Variants in HDAC2 observed in about 807,000 individuals in gnomAD.
The protein encoded by HDAC2 is YY1-associated factor 1.
Under a neutral mutation model 68.5 loss-of-function variants are expected in HDAC2, and 5 were observed. The ratio of observed to expected loss-of-function variants is 0.07; its 90% CI spans 0.04 to 0.15. The LOEUF is 0.15. HDAC2 is among the 10% of genes least tolerant of loss of function. The pLI is 1.00. For synonymous variants in HDAC2, 182 were observed against 191.3 expected (o/e 0.95, Z 0.40); for missense variants, 291 against 600.8 (o/e 0.48, Z 5.39).
chr6:113,964,833 T>A (rs1249497905), intron 1 of HDAC2, among the ~76,000 whole-genome samples: 1 of 152,210 alleles, frequency 6.6e-6, no homozygotes, highest in Non-Finnish European at 1.5e-5. Context: ...TCTTAGTGAG[T>A]AGTACCACAT....
intron 6 of HDAC2, among the ~76,000 whole-genome samples, chr6:113,950,555 G>A (rs1255737030): frequency 2.0e-5 from 3 of 149,492 alleles, no homozygotes; most frequent in Non-Finnish European, 4.5e-5. Context: ...ACCACACCCA[G>A]CTAATTTTTT....
chr6:113,941,879 T>G (rs1776143889), intron 12 of HDAC2, 114 bp from the exon 13 acceptor site: 1 of 315,358 alleles, frequency 3.2e-6, no homozygotes, highest in East Asian at 5.5e-5. Context: ...AATCTTATTA[T>G]TAATGAATTC....
At chr6:113,948,748 C>T (rs537123688) in intron 8 of HDAC2, 1 of 433,468 alleles carries the variant, frequency 2.3e-6, no homozygotes, top group East Asian at 3.6e-5. Context: ...GCCTTGGGTT[C>T]AAACTACAAT....
intron 2 of HDAC2, 78 bp from the exon 3 acceptor site, chr6:113,958,844 C>T: frequency 3.6e-6 from 3 of 843,138 alleles, no homozygotes; most frequent in East Asian, 5.0e-5. Context: ...ATACAAATTC[C>T]CCTATCGGTC....
At chr6:113,966,139 T>G (rs1276198829) in intron 1 of HDAC2, among the ~76,000 whole-genome samples, 4 of 152,212 alleles carry the variant, frequency 2.6e-5, no homozygotes, top group Non-Finnish European at 4.4e-5. Flanking sequence ...CAAATGTGAA[T>G]CTGTTTTCAT....
Position 113,945,477 on chromosome 6 carries a change from A to G in HDAC2, c.983-7T>C, listed in dbSNP as rs2114592500. The G allele has an allele frequency of 2.4e-6, 3 of 1,260,518 alleles. No homozygotes were observed. The East Asian group carries it at 7.0e-5, about 29-fold the overall frequency. 78.1% of individuals were successfully genotyped at this position (1,260,518 alleles called of 1,614,324 possible). ...TAATCATTATATGGCAACTCTAATG[A>G]AAACAATAAAATAAAGTTACATATT... On this transcript the variant is annotated splice_polypyrimidine_tract_variant and splice_region_variant and intron_variant, in intron 9 of 13. Transcript: ENST00000519065.
intron 5 of HDAC2, among the ~76,000 whole-genome samples, chr6:113,953,999 T>C (rs1026107678): frequency 1.4e-4 from 21 of 152,352 alleles, no homozygotes; most frequent in Non-Finnish European, 1.9e-4. Flanking sequence ...ATGGCTTCAT[T>C]TGAACTGCAG....
intron 1 of HDAC2, 129 bp from the exon 2 acceptor site, chr6:113,960,147 T>G (rs1776646267): frequency 1.5e-6 from 1 of 650,066 alleles, no homozygotes; most frequent in Non-Finnish European, 2.7e-6. Context: ...CTTAGCAACT[T>G]AGATTTATTT....
In HDAC2 at chr6:113,956,083, C is replaced by T; in HGVS notation, c.427G>A (p.Ala143Thr). The part of the protein sequence containing the change: ...AVNWAGGLHH[A>T]KKSEASGFCY... ...AATCCTGATGCTTCTGATTTCTTAGCATGATGTAATCCTCCAGCCCAATTA... is the reference window on the plus strand; with the variant it reads ...AATCCTGATGCTTCTGATTTCTTAGTATGATGTAATCCTCCAGCCCAATTA... Residue 143 changes from alanine to threonine, a missense_variant, in exon 5 of 14, where the codon GCT (alanine) becomes ACT (threonine). By Grantham distance (58) the Ala-to-Thr change is moderately conservative. This residue lies in a region of HDAC2 where 154 missense variants were observed against 472.1 expected (regional missense o/e 0.33). Transcript: ENST00000519065. 6.2e-7 allele frequency: 1 copy of T among 1,612,922 alleles called. No individual in the cohort carries two copies. Among genetic ancestry groups the T allele is most frequent in the Non-Finnish European group, 8.5e-7 (1 of 1,179,364 alleles).
chr6:113,970,319 G>T, intron 1 of HDAC2: 1 of 334,588 alleles, frequency 3.0e-6, no homozygotes, highest in South Asian at 1.2e-4. Flanking sequence ...CAGACCGAAC[G>T]CAGGGTAGGG....
At chr6:113,958,007 T>C (rs1203784027) in intron 3 of HDAC2, among the ~76,000 whole-genome samples, 1 of 152,186 alleles carries the variant, frequency 6.6e-6, no homozygotes, top group African/African-American at 2.4e-5. Context: ...ATGAGATGTC[T>C]AGCACCTACA....
intron 1 of HDAC2, among the ~76,000 whole-genome samples, chr6:113,966,531 G>A (rs953208584): frequency 2.7e-5 from 4 of 149,884 alleles, no homozygotes; most frequent in Admixed American, 1.3e-4. Context: ...ACTCCAGCCT[G>A]GGCAATAAGA....
Position 113,970,944 on chromosome 6 carries a change from T to TG in HDAC2, c.-37_-36insC. The TG allele has an allele frequency of 6.4e-7, 1 of 1,555,220 alleles. No homozygotes were observed. The highest frequency in any genetic ancestry group is 1.2e-5 in the South Asian group (1 of 84,772). On this transcript the variant is annotated 5_prime_UTR_variant, in exon 1 of 14. Transcript: ENST00000519065. ...GCCACCGCCGCCACCGGGCTCCTCC[T>TG]CCTGCTGCTGCTGCTGCTGCTGCTG...
At chr6:113,966,394 A>T (rs1776819413) in intron 1 of HDAC2, among the ~76,000 whole-genome samples, 1 of 152,102 alleles carries the variant, frequency 6.6e-6, no homozygotes, top group Admixed American at 6.6e-5. Flanking sequence ...CTACTAAAAA[A>T]TACAAAAATT....
In HDAC2 at chr6:113,933,390, T is replaced by G. The variant is rs1775935000; in HGVS notation, c.*7668A>C. On this transcript the variant is annotated 3_prime_UTR_variant, in exon 14 of 14. Coordinates refer to ENST00000519065, the MANE Select transcript of HDAC2 (RefSeq NM_001527.4). ...AGTGACTTTCCAAATTTCACAGGAC[T>G]TGTTGATGGCAGAACTGGAATAGGA... is the stretch of plus-strand genomic sequence containing the variant. 1 of 152,192 alleles carries G rather than the reference T, an allele frequency of 6.6e-6. No individual in the cohort carries two copies. The highest frequency in any genetic ancestry group is 1.5e-5 in the Non-Finnish European group (1 of 68,042). The allele number at this position is 152,192 out of a possible 1,614,324, so 9.4% of individuals were successfully genotyped here.
Position 113,953,267 on chromosome 6 carries a change from T to G in HDAC2, c.639+10A>C. 6.9e-6 allele frequency: 11 copies of G among 1,600,496 alleles called. No individual in the cohort carries two copies. Among genetic ancestry groups the G allele is most frequent in the Non-Finnish European group, 4.3e-6 (5 of 1,169,874 alleles). ...CTCACAATATTTTTTCAGACAGAAT[T>G]TAGTCTTACCCTCAAGTCTCCTGTG... is the stretch of plus-strand genomic sequence containing the variant. On this transcript the variant is annotated intron_variant, in intron 6 of 13. Coordinates refer to ENST00000519065, the MANE Select transcript of HDAC2 (RefSeq NM_001527.4).
At chr6:113,955,740 G>T (rs1776537604) in intron 5 of HDAC2, among the ~76,000 whole-genome samples, 1 of 151,426 alleles carries the variant, frequency 6.6e-6, no homozygotes, top group Non-Finnish European at 1.5e-5. Flanking sequence ...CAAACTCCTG[G>T]GCTCAAGAGA....
chr6:113,950,487 G>C (rs990400204), intron 6 of HDAC2, among the ~76,000 whole-genome samples: 7 of 151,658 alleles, frequency 4.6e-5, no homozygotes, highest in African/African-American at 1.7e-4. Context: ...CAGCCTCCTA[G>C]GTTCAAACAA....
At chr6:113,967,253 C>T (rs906221171) in intron 1 of HDAC2, among the ~76,000 whole-genome samples, 1 of 152,148 alleles carries the variant, frequency 6.6e-6, no homozygotes, top group African/African-American at 2.4e-5. Context: ...CTCAGCCTCC[C>T]GAGTAACTGG....
Sources: gnomAD v4.1 joint callset for allele counts (sites outside exome capture counted in the v4.1 genomes callset) on GRCh38, gnomAD v4.1.1 for gene constraint, gnomAD v4.1.1 regional missense constraint, MANE v1.5 for transcripts, NCBI Gene and HGNC (gene_info 2026-07-23, HGNC 2026-07-21) for gene names.